The following TMEM272 variants were observed in gnomAD, a reference collection of about 807,000 sequenced individuals.
The protein encoded by TMEM272 is long intergenic non-protein coding RNA 282.
In TMEM272, 8 loss-of-function variants were observed where a neutral mutation model predicts 3.7. The ratio of observed to expected loss-of-function variants is 2.17; its 90% CI spans 1.27 to 3.91. The LOEUF (loss-of-function observed/expected upper bound fraction) is 3.91. Ranked by LOEUF, TMEM272 falls within the 30% of genes most tolerant of loss-of-function variation. The probability of loss-of-function intolerance (pLI) is 0.00; values close to 1 mark genes in which losing one functional copy is unlikely to be tolerated. For missense variants in TMEM272, 166 were observed against 91.5 expected, an observed-to-expected ratio of 1.81 and a Z score of -3.32; for synonymous variants, 63 against 39.8, an observed-to-expected ratio of 1.58 and a Z score of -2.20.
intron 1 of TMEM272, among the ~76,000 whole-genome samples, chr13:51,843,947 C>T (rs918180964): frequency 8.5e-5 from 13 of 152,150 alleles, no homozygotes; most frequent in African/African-American, 2.7e-4. Flanking sequence ...ATCCCCAAGG[C>T]ACATTTGGCA....
At chr13:51,903,475 T>C in the TMEM272 span, among the ~76,000 whole-genome samples, 1 of 152,116 alleles carries the variant, frequency 6.6e-6, no homozygotes, top group East Asian at 1.9e-4. Context: ...CAGATGACGA[T>C]GTCTCAGTTG....
chr13:51,870,785 C>T, the TMEM272 span, among the ~76,000 whole-genome samples: 12 of 152,282 alleles, frequency 7.9e-5, no homozygotes, highest in Admixed American at 7.8e-4. Flanking sequence ...CCAGGTGCTT[C>T]CTGAAGCACG....
At chr13:51,903,972 T>TGTGTGTGTGTGTG in the TMEM272 span, among the ~76,000 whole-genome samples, 10 of 151,426 alleles carry the variant, frequency 6.6e-5, no homozygotes, top group Non-Finnish European at 1.0e-4. Flanking sequence ...TGTGTGTGTG[T>TGTGTGTGTGTGTG]TTAGAAAGAA....
the TMEM272 span, among the ~76,000 whole-genome samples, chr13:51,894,077 C>T: frequency 2.0e-5 from 3 of 152,172 alleles, no homozygotes; most frequent in Non-Finnish European, 2.9e-5. Flanking sequence ...CACACCACAC[C>T]CCCTGCATTG....
At chr13:51,837,847 T>C (rs1176731786) in intron 2 of TMEM272, among the ~76,000 whole-genome samples, 2 of 152,226 alleles carry the variant, frequency 1.3e-5, no homozygotes, top group Admixed American at 1.3e-4. Context: ...AGCTTCCTGA[T>C]ATTAGTGCCT....
At chr13:51,906,084 ATCT>A in the TMEM272 span, among the ~76,000 whole-genome samples, 2 of 152,132 alleles carry the variant, frequency 1.3e-5, no homozygotes, top group South Asian at 4.1e-4. Context: ...AGGGACTGAA[ATCT>A]TCTCCTAGCA....
At chr13:51,865,664 G>C in the TMEM272 span, 1 of 1,614,224 alleles carries the variant, frequency 6.2e-7, no homozygotes, top group South Asian at 1.1e-5. Context: ...TTTCTGGGAA[G>C]AGGAGAAAAC....
At chr13:51,877,107 A>G in the TMEM272 span, among the ~76,000 whole-genome samples, 1 of 152,200 alleles carries the variant, frequency 6.6e-6, no homozygotes, top group South Asian at 2.1e-4. Flanking sequence ...GAGATAGAAA[A>G]CAAGTAGCTT....
At chr13:51,866,298 C>T in the TMEM272 span, 8 of 496,948 alleles carry the variant, frequency 1.6e-5, no homozygotes, top group Admixed American at 3.6e-5. Context: ...ATGTTCCCAC[C>T]TCTGGGCCAC....
chr13:51,898,415 A>T, the TMEM272 span, among the ~76,000 whole-genome samples: 22 of 151,868 alleles, frequency 1.4e-4, no homozygotes, highest in East Asian at 2.1e-3. Context: ...TAATTGAGAA[A>T]TGAGCTCCTT....
chr13:51,874,576 TA>T, the TMEM272 span, among the ~76,000 whole-genome samples: 1 of 152,146 alleles, frequency 6.6e-6, no homozygotes, highest in Non-Finnish European at 1.5e-5. Context: ...ACCACACATC[TA>T]GGTTTGTATC....
intron 2 of TMEM272, among the ~76,000 whole-genome samples, chr13:51,835,093 A>G (rs899894812): frequency 9.8e-5 from 15 of 152,296 alleles, no homozygotes; most frequent in African/African-American, 3.6e-4. Context: ...ACGCCCAGAT[A>G]AACAAGCTAC....
At chr13:51,890,785 T>G in the TMEM272 span, among the ~76,000 whole-genome samples, 1 of 152,240 alleles carries the variant, frequency 6.6e-6, no homozygotes, top group Non-Finnish European at 1.5e-5. Context: ...ACTAATGTGA[T>G]TCTTGTTCCT....
chr13:51,888,790 C>T, the TMEM272 span, among the ~76,000 whole-genome samples: 22 of 151,734 alleles, frequency 1.4e-4, no homozygotes, highest in African/African-American at 5.3e-4. Flanking sequence ...GGATTACAGG[C>T]ACCTGCCACC....
At chr13:51,877,221 A>C in the TMEM272 span, among the ~76,000 whole-genome samples, 7,851 of 152,288 alleles carry the variant, frequency 0.052, 474 homozygotes, top group African/African-American at 0.15. Flanking sequence ...TAAACACTTC[A>C]GAAGATTAAA....
the TMEM272 span, among the ~76,000 whole-genome samples, chr13:51,877,785 T>C: frequency 2.6e-5 from 4 of 152,362 alleles, no homozygotes; most frequent in Admixed American, 2.0e-4. Context: ...TACCGATGTA[T>C]GATTTTATTT....
upstream of TMEM272, among the ~76,000 whole-genome samples, chr13:51,846,927 A>G (rs1956309999): frequency 6.6e-6 from 1 of 152,232 alleles, no homozygotes; most frequent in East Asian, 1.9e-4. Context: ...AGGCTATAGT[A>G]GTGTGTAGTA....
chr13:51,866,157 G>A, the TMEM272 span: 787 of 1,220,776 alleles, frequency 6.4e-4, 3 homozygotes, highest in African/African-American at 7.0e-3. Flanking sequence ...CCCATGTGCT[G>A]GAGAAAATAC....
chr13:51,925,122 C>T, the TMEM272 span, among the ~76,000 whole-genome samples: 4 of 152,178 alleles, frequency 2.6e-5, no homozygotes, highest in East Asian at 1.9e-4. Flanking sequence ...AGAAGGAATG[C>T]GCCACTGTTT....
Sources: gnomAD v4.1 joint callset for allele counts (sites outside exome capture counted in the v4.1 genomes callset) on GRCh38, gnomAD v4.1.1 for gene constraint, MANE v1.5 for transcripts, NCBI Gene and HGNC (gene_info 2026-07-23, HGNC 2026-07-21) for gene names.